The following LNPEP variants were observed in gnomAD, a reference collection of about 807,000 sequenced individuals.
LNPEP encodes the protein leucyl and cystinyl aminopeptidase, also known as leucyl-cystinyl aminopeptidase.
A neutral mutation model predicts 120.6 loss-of-function variants in LNPEP; 64 were observed. The ratio of observed to expected loss-of-function variants is 0.53; its 90% CI spans 0.43 to 0.65. The LOEUF is 0.65. Ranked by LOEUF, LNPEP falls within the 30% of genes least tolerant of loss-of-function variation. The pLI is 0.00. For missense variants in LNPEP, 1,057 were observed against 1,200.0 expected, an observed-to-expected ratio of 0.88 and a Z score of 1.76; for synonymous variants, 435 against 425.4, an observed-to-expected ratio of 1.02 and a Z score of -0.28.
intron 1 of LNPEP, among the ~76,000 whole-genome samples, chr5:96,948,152 C>G (rs565106386): frequency 5.3e-5 from 8 of 149,702 alleles, no homozygotes; most frequent in South Asian, 4.2e-4. Flanking sequence ...GAGTCTTGCT[C>G]TGTCTCCCAG....
chr5:96,946,014 C>T (rs549064305), intron 1 of LNPEP, among the ~76,000 whole-genome samples: 2 of 152,188 alleles, frequency 1.3e-5, no homozygotes, highest in Non-Finnish European at 2.9e-5. Flanking sequence ...CTATAATTGT[C>T]GGAAGGGCCT....
At chr5:96,963,105 A>T (rs1004577036) in intron 1 of LNPEP, among the ~76,000 whole-genome samples, 1 of 152,192 alleles carries the variant, frequency 6.6e-6, no homozygotes, top group African/African-American at 2.4e-5. Context: ...TAATCATGAG[A>T]CACTGCATGT....
At chr5:96,997,211 C>T (rs1790534874) in intron 7 of LNPEP, among the ~76,000 whole-genome samples, 1 of 151,990 alleles carries the variant, frequency 6.6e-6, no homozygotes, top group Non-Finnish European at 1.5e-5. Context: ...TTCCAACCCC[C>T]AAATTTTTTG....
intron 1 of LNPEP, among the ~76,000 whole-genome samples, chr5:96,976,319 G>C (rs1789993069): frequency 6.6e-6 from 1 of 152,128 alleles, no homozygotes; most frequent in Admixed American, 6.6e-5. Context: ...ATTTCTGAAA[G>C]ATTAAAATTC....
chr5:96,989,300 A>T (rs166140), intron 4 of LNPEP, among the ~76,000 whole-genome samples: 2 of 74,376 alleles, frequency 2.7e-5, no homozygotes, highest in African/African-American at 5.1e-5. Flanking sequence ...ATTTATATAT[A>T]ATATATTGTA....
intron 4 of LNPEP, among the ~76,000 whole-genome samples, chr5:96,988,993 G>A (rs1790308599): frequency 6.6e-6 from 1 of 151,942 alleles, no homozygotes; most frequent in African/African-American, 2.4e-5. Context: ...CATACACACT[G>A]CATTCTCATA....
chr5:96,997,834 A>G (rs1033587407), intron 7 of LNPEP, among the ~76,000 whole-genome samples, 180 bp from the exon 8 acceptor site: 1 of 152,142 alleles, frequency 6.6e-6, no homozygotes, highest in African/African-American at 2.4e-5. Context: ...AATTTAAGGA[A>G]TATTCATGAA....
chr5:97,007,270 G>A (rs947069639), intron 11 of LNPEP, among the ~76,000 whole-genome samples: 12 of 152,098 alleles, frequency 7.9e-5, no homozygotes, highest in African/African-American at 2.9e-4. Flanking sequence ...ATTTTTGAGG[G>A]GTGAGTGTAG....
At chr5:96,973,775 T>C (rs1009382411) in intron 1 of LNPEP, among the ~76,000 whole-genome samples, 3 of 152,126 alleles carry the variant, frequency 2.0e-5, no homozygotes, top group Non-Finnish European at 4.4e-5. Context: ...TCTCAGAAAA[T>C]GTGATGGCAG....
At chr5:96,946,177 G>A (rs1789182632) in intron 1 of LNPEP, among the ~76,000 whole-genome samples, 1 of 152,214 alleles carries the variant, frequency 6.6e-6, no homozygotes, top group Non-Finnish European at 1.5e-5. Flanking sequence ...CAGCGCCTTA[G>A]TATCTAGATT....
At chr5:97,026,991 A>G (rs1464974119) in intron 16 of LNPEP, among the ~76,000 whole-genome samples, 4 of 152,228 alleles carry the variant, frequency 2.6e-5, no homozygotes, top group Admixed American at 1.3e-4. Flanking sequence ...CTTGCTTGGC[A>G]CCAGGTTACT....
At chr5:96,982,797 A>G (rs979076958) in intron 2 of LNPEP, among the ~76,000 whole-genome samples, 6 of 152,212 alleles carry the variant, frequency 3.9e-5, no homozygotes, top group African/African-American at 1.4e-4. Context: ...AAAAGCAAAA[A>G]CAAAAGAATA....
intron 14 of LNPEP, 129 bp from the exon 15 acceptor site, chr5:97,024,392 C>A (rs760255079): frequency 3.8e-6 from 3 of 799,128 alleles, no homozygotes; most frequent in Non-Finnish European, 6.0e-6. Flanking sequence ...TTTTCTCAAC[C>A]CTAAATTGTG....
chr5:97,008,256 A>C (rs867812238), intron 11 of LNPEP, among the ~76,000 whole-genome samples: 12 of 151,700 alleles, frequency 7.9e-5, no homozygotes, highest in African/African-American at 2.4e-4. Context: ...CAGTGCTATT[A>C]GAAATAATTG....
chr5:96,957,407 G>A (rs1445062285), intron 1 of LNPEP, among the ~76,000 whole-genome samples: 1 of 152,056 alleles, frequency 6.6e-6, no homozygotes, highest in African/African-American at 2.4e-5. Flanking sequence ...CTGAAGCCTT[G>A]GTAATATTTT....
chr5:97,009,304 T>C (rs1185118072), intron 11 of LNPEP, among the ~76,000 whole-genome samples: 2 of 152,000 alleles, frequency 1.3e-5, no homozygotes, highest in Non-Finnish European at 2.9e-5. Context: ...CATTCTCTAC[T>C]TCTCCACTCA....
In LNPEP at chr5:96,998,161, A is replaced by T. The variant is rs1190079002; in HGVS notation, c.1653+16A>T. 1.3e-6 allele frequency: 2 copies of T among 1,576,664 alleles called. No homozygotes were observed. The highest frequency in any genetic ancestry group is 2.7e-5 in the African/African-American group (2 of 72,780). ...CTATTTTAAGGTATTGCTGTGAACA[A>T]AAAGGTAGCTGGAGTGGGTTTAAAA... On this transcript the variant is annotated intron_variant, in intron 8 of 17. Transcript: ENST00000231368.
In LNPEP at chr5:97,006,429, A is replaced by C. The variant is rs1423395237; in HGVS notation, c.1949A>C (p.Tyr650Ser). ...KPEIQPSDTSYLWHIPLSYVT... is the reference protein window; with the variant it reads ...KPEIQPSDTSSLWHIPLSYVT... ...TTTCCAATGTTTTCTCTTTACAGCT[A>C]CCTGTGGCATATTCCACTATCCTAT... The change falls in exon 11 of 18, where the codon TAC becomes TCC. Residue 650 changes from tyrosine to serine, a missense_variant and splice_region_variant. Physicochemically the swap from Tyr to Ser is moderately radical, Grantham distance 144. Coordinates refer to ENST00000231368, the MANE Select transcript of LNPEP (RefSeq NM_005575.3). 3.2e-6 allele frequency: 5 copies of C among 1,552,916 alleles called. No individual in the cohort carries two copies. The highest frequency in any genetic ancestry group is 2.6e-6 in the Non-Finnish European group (3 of 1,133,596).
rs1791296165 is a variant in LNPEP, at chr5:97,024,622, CA to C, written c.2664del (p.Glu889ArgfsTer6). 1 of 1,613,866 alleles carries C rather than the reference CA, an allele frequency of 6.2e-7. No individual in the cohort carries two copies. ...LGKYISIGSE[A>X]EKNKILEALA... ...AAATACATTTCTATAGGCTCTGAAGCAGAGAAGAACAAAATACTAGAAGCAC... is the reference window on the plus strand; with the variant it reads ...AAATACATTTCTATAGGCTCTGAAGCGAGAAGAACAAAATACTAGAAGCAC... On this transcript the variant is annotated frameshift_variant, in exon 15 of 18. Transcript: ENST00000231368. LOFTEE classifies it high-confidence loss of function.
Sources: allele counts gnomAD v4.1 joint callset (sites outside exome capture counted in the v4.1 genomes callset), GRCh38; gene constraint gnomAD v4.1.1; transcripts MANE v1.5; gene names NCBI Gene and HGNC (gene_info 2026-07-23, HGNC 2026-07-21).